The following PRKD1 variants were observed in gnomAD, a reference collection of about 807,000 sequenced individuals.
PRKD1 encodes the protein serine/threonine-protein kinase D1.
In PRKD1, 63 loss-of-function variants were observed where a neutral mutation model predicts 95.9. That is an observed-to-expected ratio of 0.66 (90% CI 0.54 to 0.81). The LOEUF is 0.81. PRKD1 is among the 30% of genes least tolerant of loss of function. PRKD1 has a pLI of 0.00. For missense variants in PRKD1, 1,048 were observed against 1,165.3 expected, an observed-to-expected ratio of 0.90 and a Z score of 1.47; for synonymous variants, 425 against 423.1, an observed-to-expected ratio of 1.00 and a Z score of -0.05.
At chr14:29,735,329 A>G (rs1886660820) in intron 1 of PRKD1, among the ~76,000 whole-genome samples, 1 of 152,222 alleles carries the variant, frequency 6.6e-6, no homozygotes. Flanking sequence ...ACTGGGTGGA[A>G]CTTTAATTAA....
At chr14:29,852,949 T>C (rs1892363731) in intron 1 of PRKD1, among the ~76,000 whole-genome samples, 1 of 152,168 alleles carries the variant, frequency 6.6e-6, no homozygotes, top group Admixed American at 6.5e-5. Context: ...ATCAGTAGAA[T>C]GGATCAAAAC....
At chr14:29,731,099 T>C (rs939975641) in intron 1 of PRKD1, among the ~76,000 whole-genome samples, 2 of 152,156 alleles carry the variant, frequency 1.3e-5, no homozygotes, top group African/African-American at 4.8e-5. Flanking sequence ...GTTCAAAACA[T>C]GATGTGGTAT....
chr14:29,926,390 G>A (rs1895296165), intron 1 of PRKD1, among the ~76,000 whole-genome samples: 1 of 152,102 alleles, frequency 6.6e-6, no homozygotes, highest in South Asian at 2.1e-4. Flanking sequence ...CCCCTTCCAT[G>A]CAACATCCAT....
chr14:29,752,808 A>T (rs1887539633), intron 1 of PRKD1, among the ~76,000 whole-genome samples: 1 of 152,072 alleles, frequency 6.6e-6, no homozygotes, highest in African/African-American at 2.4e-5. Context: ...TAAAAAGAAT[A>T]TGTTTAGAAA....
At chr14:29,830,091 C>G (rs1452942150) in intron 1 of PRKD1, among the ~76,000 whole-genome samples, 1 of 152,134 alleles carries the variant, frequency 6.6e-6, no homozygotes, top group African/African-American at 2.4e-5. Flanking sequence ...AGATTAGAAA[C>G]AGCTAATCTG....
At chr14:29,598,764 C>T (rs1212944877) in intron 15 of PRKD1, among the ~76,000 whole-genome samples, 1 of 152,170 alleles carries the variant, frequency 6.6e-6, no homozygotes, top group East Asian at 1.9e-4. Context: ...CTCTGGGACT[C>T]TCAAGTGTTG....
chr14:29,823,021 T>C (rs913012953), intron 1 of PRKD1, among the ~76,000 whole-genome samples: 2 of 152,180 alleles, frequency 1.3e-5, no homozygotes, highest in Admixed American at 1.3e-4. Flanking sequence ...AAAGTCACAT[T>C]TTGAATTAAA....
At chr14:29,731,898 G>A (rs996160390) in intron 1 of PRKD1, among the ~76,000 whole-genome samples, 9 of 146,010 alleles carry the variant, frequency 6.2e-5, no homozygotes, top group African/African-American at 2.1e-4. Flanking sequence ...TTTTGAGACC[G>A]AATCTCACTC....
intron 13 of PRKD1, among the ~76,000 whole-genome samples, chr14:29,605,054 C>T (rs1051696016): frequency 2.0e-5 from 3 of 152,104 alleles, no homozygotes; most frequent in African/African-American, 7.2e-5. Context: ...AGTAATAGAG[C>T]CCACCTCCTT....
At chr14:29,798,403 C>A (rs1391981632) in intron 1 of PRKD1, among the ~76,000 whole-genome samples, 1 of 152,074 alleles carries the variant, frequency 6.6e-6, no homozygotes, top group African/African-American at 2.4e-5. Flanking sequence ...TTCTAATTTG[C>A]AAAAGCAAAT....
intron 1 of PRKD1, among the ~76,000 whole-genome samples, chr14:29,808,030 C>T (rs12590327): frequency 1.3e-5 from 2 of 152,078 alleles, no homozygotes; most frequent in Admixed American, 6.5e-5. Flanking sequence ...CAACCAATTT[C>T]TTAACATAAG....
At chr14:29,919,777 C>T (rs1378610015) in intron 1 of PRKD1, among the ~76,000 whole-genome samples, 1 of 149,616 alleles carries the variant, frequency 6.7e-6, no homozygotes, top group Non-Finnish European at 1.5e-5. Flanking sequence ...ACCATCCTGG[C>T]AACATGGCAA....
intron 2 of PRKD1, among the ~76,000 whole-genome samples, chr14:29,676,047 G>A (rs761818453): frequency 7.9e-4 from 120 of 151,916 alleles, no homozygotes; most frequent in Admixed American, 2.7e-3. Context: ...GTTAATGGGT[G>A]CAGCACACCA....
intron 1 of PRKD1, among the ~76,000 whole-genome samples, chr14:29,738,953 A>G (rs1886864424): frequency 6.6e-6 from 1 of 151,754 alleles, no homozygotes; most frequent in Non-Finnish European, 1.5e-5. Context: ...CTTCTGCCTC[A>G]GCCTCTGGTG....
At chr14:29,798,471 A>G (rs760600534) in intron 1 of PRKD1, among the ~76,000 whole-genome samples, 24 of 152,314 alleles carry the variant, frequency 1.6e-4, no homozygotes, top group South Asian at 8.3e-4. Context: ...CAGAACATTA[A>G]GGATCCATGT....
rs1432742702 is a variant in PRKD1 at position 29,638,992 on chromosome 14, T to G, written c.697-88A>C. ...ATATTTTAAGATACCGGTTTACTCT[T>G]GTATTTAGTACTTTGATGTTTAATA... On this transcript the variant is annotated intron_variant, in intron 4 of 17. Coordinates refer to ENST00000331968, the MANE Select transcript of PRKD1 (RefSeq NM_002742.3). 28 of 971,082 alleles carry G rather than the reference T, an allele frequency of 2.9e-5. No homozygotes were observed. The East Asian group carries it at 5.3e-4, about 18-fold the overall frequency. 60.2% of individuals were successfully genotyped at this position (971,082 alleles called of 1,614,324 possible). A position where few individuals can be genotyped will look rare whatever the true frequency, so the allele number is the denominator to read the frequency against.
At chr14:29,727,775 G>A (rs544442875) in intron 1 of PRKD1, among the ~76,000 whole-genome samples, 1 of 151,988 alleles carries the variant, frequency 6.6e-6, no homozygotes, top group Admixed American at 6.6e-5. Context: ...GTCCAACAAT[G>A]ATAGACTGGA....
At chr14:29,739,642 T>C (rs897459633) in intron 1 of PRKD1, among the ~76,000 whole-genome samples, 10 of 152,198 alleles carry the variant, frequency 6.6e-5, no homozygotes, top group Non-Finnish European at 1.5e-5. Flanking sequence ...CTACAAGATA[T>C]AGAAATACAC....
intron 1 of PRKD1, among the ~76,000 whole-genome samples, chr14:29,842,871 T>C (rs2139320388): frequency 6.6e-6 from 1 of 152,140 alleles, no homozygotes; most frequent in African/African-American, 2.4e-5. Context: ...GGGGAGCGGG[T>C]ATAGCAGGGA....
Sources: allele counts gnomAD v4.1 joint callset (sites outside exome capture counted in the v4.1 genomes callset), GRCh38; gene constraint gnomAD v4.1.1; transcripts MANE v1.5; gene names NCBI Gene and HGNC (gene_info 2026-07-23, HGNC 2026-07-21).